The following PTPRD variants were observed in gnomAD, a reference collection of about 807,000 sequenced individuals.
The protein encoded by PTPRD is receptor-type tyrosine-protein phosphatase delta.
In PTPRD, 34 loss-of-function variants were observed where a neutral mutation model predicts 214.5. The observed-to-expected ratio is 0.16, with a 90% CI of 0.12 to 0.21. PTPRD has a LOEUF of 0.21. PTPRD is among the 10% of genes least tolerant of loss of function. The pLI, the probability that PTPRD is intolerant of heterozygous loss-of-function variation, is 1.00. For synonymous variants in PTPRD, 1,128 were observed against 845.7 expected (o/e 1.33, Z -5.79); for missense variants, 2,545 against 2,398.7 (o/e 1.06, Z -1.27).
chr9:8,523,852 T>G (rs1418481489), intron 18 of PTPRD, among the ~76,000 whole-genome samples: 1 of 152,156 alleles, frequency 6.6e-6, no homozygotes, highest in Non-Finnish European at 1.5e-5. Context: ...ACTTTCTTCA[T>G]ATTTCCCCAC....
At chr9:10,596,079 G>A (rs1157769365) in intron 2 of PTPRD, among the ~76,000 whole-genome samples, 1 of 151,602 alleles carries the variant, frequency 6.6e-6, no homozygotes, top group Non-Finnish European at 1.5e-5. Context: ...ACCTACATTT[G>A]CTGTCTGATT....
chr9:9,645,292 T>C (rs2096117199), intron 7 of PTPRD, among the ~76,000 whole-genome samples: 1 of 152,120 alleles, frequency 6.6e-6, no homozygotes, highest in African/African-American at 2.4e-5. Context: ...ATGGAGACAA[T>C]AATGCCTATT....
At chr9:9,906,370 C>T (rs1366996947) in intron 5 of PTPRD, among the ~76,000 whole-genome samples, 3 of 151,854 alleles carry the variant, frequency 2.0e-5, no homozygotes, top group East Asian at 1.9e-4. Flanking sequence ...CAATTGTTAT[C>T]GTTGTCTTTA....
intron 3 of PTPRD, among the ~76,000 whole-genome samples, chr9:10,044,486 A>C (rs185207228): frequency 6.6e-6 from 1 of 151,936 alleles, no homozygotes; most frequent in Admixed American, 6.6e-5. Context: ...CAGAGGTGTT[A>C]AAATCATTGC....
At chr9:10,012,438 T>C (rs959883066) in intron 4 of PTPRD, among the ~76,000 whole-genome samples, 5 of 151,954 alleles carry the variant, frequency 3.3e-5, no homozygotes, top group African/African-American at 1.2e-4. Flanking sequence ...GTAAGATGAT[T>C]TTTTAAAGTT....
At chr9:9,352,127 C>T (rs1247925318) in intron 9 of PTPRD, among the ~76,000 whole-genome samples, 1 of 151,724 alleles carries the variant, frequency 6.6e-6, no homozygotes, top group Non-Finnish European at 1.5e-5. Context: ...TTTTTATCAG[C>T]TTGATTTTTG....
At chr9:9,360,773 T>G (rs1406483651) in intron 9 of PTPRD, among the ~76,000 whole-genome samples, 1 of 151,146 alleles carries the variant, frequency 6.6e-6, no homozygotes, top group Non-Finnish European at 1.5e-5. Context: ...TTTACAGTTT[T>G]TAATAATAGA....
chr9:9,930,836 T>C (rs1360853737), intron 5 of PTPRD, among the ~76,000 whole-genome samples: 1 of 152,120 alleles, frequency 6.6e-6, no homozygotes, highest in African/African-American at 2.4e-5. Flanking sequence ...ATAAACACTA[T>C]TAAAAGCACA....
chr9:9,130,567 A>G (rs1480361917), intron 10 of PTPRD, among the ~76,000 whole-genome samples: 1 of 152,140 alleles, frequency 6.6e-6, no homozygotes, highest in Non-Finnish European at 1.5e-5. Context: ...TCCTGCATAA[A>G]AAGTGTTTAT....
chr9:8,459,310 C>G (rs979376968), intron 33 of PTPRD, among the ~76,000 whole-genome samples: 2 of 152,000 alleles, frequency 1.3e-5, no homozygotes, highest in Non-Finnish European at 2.9e-5. Flanking sequence ...GGGAGAGAAG[C>G]TATCTTGTAG....
intron 44 of PTPRD, 53 bp from the exon 45 acceptor site, chr9:8,320,019 C>G (rs1181251671): frequency 1.3e-6 from 2 of 1,591,918 alleles, no homozygotes; most frequent in South Asian, 2.3e-5. Context: ...CAGTCTTGGC[C>G]ACATTTGCTT....
intron 12 of PTPRD, among the ~76,000 whole-genome samples, chr9:8,695,451 C>A (rs2097892100): frequency 6.7e-6 from 1 of 148,358 alleles, no homozygotes; most frequent in Admixed American, 6.7e-5. Context: ...TAGATAAAAT[C>A]TGGGTCAATG....
At chr9:10,237,322 T>G (rs1219609284) in intron 3 of PTPRD, among the ~76,000 whole-genome samples, 1 of 151,960 alleles carries the variant, frequency 6.6e-6, no homozygotes, top group African/African-American at 2.4e-5. Context: ...CCATTTTTAT[T>G]TTTAATGTTA....
intron 7 of PTPRD, among the ~76,000 whole-genome samples, chr9:9,589,438 A>G (rs1194413226): frequency 6.6e-6 from 1 of 151,954 alleles, no homozygotes; most frequent in Admixed American, 6.6e-5. Flanking sequence ...AACAAGTAAT[A>G]CTGATTTGTA....
At chr9:9,529,301 TA>T (rs774855581) in intron 8 of PTPRD, among the ~76,000 whole-genome samples, 161 of 143,380 alleles carry the variant, frequency 1.1e-3, no homozygotes, top group Admixed American at 2.8e-3. Context: ...ATGGATTCAT[TA>T]AAAAAAAAAA....
At chr9:8,673,906 C>A (rs1036329341) in intron 12 of PTPRD, among the ~76,000 whole-genome samples, 2 of 152,052 alleles carry the variant, frequency 1.3e-5, no homozygotes, top group African/African-American at 4.8e-5. Flanking sequence ...TGACACCCAC[C>A]CAGTACATGC....
intron 3 of PTPRD, among the ~76,000 whole-genome samples, chr9:10,236,820 A>C (rs932757563): frequency 6.6e-6 from 1 of 151,920 alleles, no homozygotes; most frequent in African/African-American, 2.4e-5. Flanking sequence ...ATAATCCAGT[A>C]ACTATGTACA....
intron 9 of PTPRD, among the ~76,000 whole-genome samples, chr9:9,203,571 G>A (rs909631121): frequency 1.3e-5 from 2 of 152,028 alleles, no homozygotes; most frequent in East Asian, 1.9e-4. Context: ...GTTACAGTTC[G>A]GGTTCTTATT....
At chr9:9,444,868 T>TCCCTGAGTA (rs1478507424) in intron 8 of PTPRD, among the ~76,000 whole-genome samples, 1 of 150,856 alleles carries the variant, frequency 6.6e-6, no homozygotes, top group African/African-American at 2.5e-5. Context: ...AAAGAATACA[T>TCCCTGAGTA]GCCTACTTGC....
Sources: gnomAD v4.1 joint callset for allele counts (sites outside exome capture counted in the v4.1 genomes callset) on GRCh38, gnomAD v4.1.1 for gene constraint, MANE v1.5 for transcripts, NCBI Gene and HGNC (gene_info 2026-07-23, HGNC 2026-07-21) for gene names.